The following PCCB variants were observed in gnomAD, a reference collection of about 807,000 sequenced individuals.
PCCB encodes the protein propionyl-CoA carboxylase subunit beta.
PCCB carries 43 observed loss-of-function variants against 60.7 expected under a neutral mutation model. That is an observed-to-expected ratio of 0.71 (90% confidence interval 0.55 to 0.91). PCCB has a LOEUF of 0.91. Among genes scored for constraint, PCCB ranks in the 40% least tolerant of loss-of-function variants. The pLI, the probability that PCCB is intolerant of heterozygous loss-of-function variation, is 0.00. For missense variants in PCCB, 766 were observed against 702.8 expected, an observed-to-expected ratio of 1.09 and a Z score of -1.02; for synonymous variants, 276 against 255.9, an observed-to-expected ratio of 1.08 and a Z score of -0.75.
At chr3:136,309,879 C>A (rs535181113) in intron 9 of PCCB, among the ~76,000 whole-genome samples, 1 of 152,072 alleles carries the variant, frequency 6.6e-6, no homozygotes, top group South Asian at 2.1e-4. Context: ...AAATTGATCC[C>A]ATCAGAGATA....
intron 6 of PCCB, among the ~76,000 whole-genome samples, chr3:136,291,321 A>C (rs1046067692): frequency 6.6e-6 from 1 of 152,100 alleles, no homozygotes; most frequent in African/African-American, 2.4e-5. Flanking sequence ...TAATTCCAAC[A>C]TTTCTGCTAC....
At chr3:136,303,531 G>A (rs1934359968) in intron 9 of PCCB, among the ~76,000 whole-genome samples, 1 of 122,182 alleles carries the variant, frequency 8.2e-6, no homozygotes, top group Admixed American at 9.8e-5. Flanking sequence ...TGATACTAGT[G>A]CGTATATTTT....
At chr3:136,295,890 T>A (rs1933911267) in intron 7 of PCCB, among the ~76,000 whole-genome samples, 1 of 152,042 alleles carries the variant, frequency 6.6e-6, no homozygotes, top group Non-Finnish European at 1.5e-5. Context: ...CCCATGACAT[T>A]AAAGTTTCTT....
Position 136,328,790 on chromosome 3 carries a change from G to A in PCCB, c.1431G>A (p.Glu477=), listed in dbSNP as rs989893902. 1 of 1,614,060 alleles carries A rather than the reference G, an allele frequency of 6.2e-7. No homozygotes were observed. The highest frequency in any genetic ancestry group is 1.3e-5 in the African/African-American group (1 of 74,940). The change falls in exon 14 of 15, where the codon GAG becomes GAA. Residue 477 remains glutamate (E), a synonymous_variant. Transcript: ENST00000251654. ...TGGAGATCATCTTCAAAGGGCATGA[G>A]AATGTGGAAGCTGCTCAGGCAGAGT... ...GAVEIIFKGH[E]NVEAAQAEYI... is the part of the protein sequence containing the mutation.
rs548523249 is a variant in PCCB at position 136,283,550 on chromosome 3, A to G, written c.544-287A>G. Among the ~76,000 whole-genome samples the G allele has an allele frequency of 5.9e-5, 9 of 152,082 alleles. No homozygotes were observed. The East Asian group carries it at 1.5e-3, about 26-fold the overall frequency. ...AGCTGTGGTGAGGATGGTGGGATAC[A>G]CTCTGTACCTCATGCCCTTAGTGAA... On this transcript the variant is annotated intron_variant, in intron 5 of 14. Coordinates refer to ENST00000251654, the MANE Select transcript of PCCB (RefSeq NM_000532.5).
intron 1 of PCCB, 92 bp downstream of exon 1, chr3:136,250,650 A>T: frequency 7.6e-7 from 1 of 1,307,786 alleles, no homozygotes. Flanking sequence ...CCTCCCTGCC[A>T]ATCCGCACGG....
chr3:136,299,865 TA>T (rs1934167472), intron 8 of PCCB, among the ~76,000 whole-genome samples: 1 of 151,462 alleles, frequency 6.6e-6, no homozygotes, highest in African/African-American at 2.4e-5. Context: ...CATATGTATG[TA>T]TATGCATGCA....
chr3:136,327,155 G>A lies in PCCB; in HGVS notation c.1199G>A (p.Gly400Asp), dbSNP rs1437741292. ...TCTAGTAACTCTTCCTCATGTCTAG[G>A]CACAGCACAGGAATACGGGGGCATC... ...TFVDVPGFLP[G>D]TAQEYGGIIR... The change falls in exon 12 of 15, where the codon GGC (glycine) becomes GAC (aspartate). Residue 400 changes from glycine (G) to aspartate (D), a missense_variant and splice_region_variant. Transcript: ENST00000251654. The A allele has an allele frequency of 6.2e-7, 1 of 1,613,750 alleles. No individual in the cohort carries two copies. Among genetic ancestry groups the A allele is most frequent in the African/African-American group, 1.3e-5 (1 of 74,894 alleles).
intron 14 of PCCB, among the ~76,000 whole-genome samples, chr3:136,329,383 A>G (rs1053269142): frequency 6.6e-6 from 1 of 152,148 alleles, no homozygotes; most frequent in Admixed American, 6.5e-5. Context: ...GCTTCCTTAC[A>G]TGGTGTCCCG....
intron 5 of PCCB, among the ~76,000 whole-genome samples, chr3:136,281,681 T>C (rs1942478617): frequency 6.6e-6 from 1 of 152,184 alleles, no homozygotes; most frequent in Non-Finnish European, 1.5e-5. Context: ...CTTATTTCTT[T>C]GTATGATTTG....
intron 9 of PCCB, among the ~76,000 whole-genome samples, chr3:136,308,828 G>A (rs1291801450): frequency 6.6e-6 from 1 of 151,980 alleles, no homozygotes; most frequent in Non-Finnish European, 1.5e-5. Context: ...AACAATTCTT[G>A]GATGAAAGGG....
intron 9 of PCCB, among the ~76,000 whole-genome samples, chr3:136,306,598 A>G (rs992490842): frequency 8.1e-6 from 1 of 123,028 alleles, no homozygotes; most frequent in Non-Finnish European, 1.8e-5. Flanking sequence ...CACTGTATAC[A>G]TATATGAAAA....
At chr3:136,250,665 T>G (rs1941489968) in intron 1 of PCCB, 107 bp downstream of exon 1, 13 of 1,168,166 alleles carry the variant, frequency 1.1e-5, no homozygotes, top group African/African-American at 1.5e-5. Context: ...GCACGGTGCC[T>G]GGAGGGGCCG....
chr3:136,314,032 T>A (rs1560026781), intron 9 of PCCB, among the ~76,000 whole-genome samples: 1 of 150,768 alleles, frequency 6.6e-6, no homozygotes, highest in Non-Finnish European at 1.5e-5. Context: ...TTAGAAGGAG[T>A]CACACACACA....
Position 136,327,715 on chromosome 3 carries a change from G to T in PCCB, c.1381G>T (p.Ala461Ser), listed in dbSNP as rs1935377301. The T allele has an allele frequency of 6.2e-7, 1 of 1,613,648 alleles. No individual in the cohort carries two copies. The highest frequency in any genetic ancestry group is 1.3e-5 in the African/African-American group (1 of 74,910). The part of the protein sequence containing the change: ...TNYAWPTAEI[A>S]VMGAKGAVEI... ...CTATGCCTGGCCCACCGCAGAGATTGCAGTCATGGGAGCAAAGGTGAGGGC... is the reference window on the plus strand; with the variant it reads ...CTATGCCTGGCCCACCGCAGAGATTTCAGTCATGGGAGCAAAGGTGAGGGC... Residue 461 changes from alanine to serine, a missense_variant, in exon 13 of 15, where the codon GCA (alanine) becomes TCA (serine). Physicochemically the swap from Ala to Ser is moderately conservative, Grantham distance 99. Coordinates refer to ENST00000251654, the MANE Select transcript of PCCB (RefSeq NM_000532.5).
intron 5 of PCCB, among the ~76,000 whole-genome samples, chr3:136,266,375 T>C (rs1026787119): frequency 1.3e-5 from 2 of 151,746 alleles, no homozygotes; most frequent in African/African-American, 4.8e-5. Context: ...ACGATCCATC[T>C]GCCTTGGCCT....
chr3:136,286,320 A>G (rs1289997993), intron 6 of PCCB, among the ~76,000 whole-genome samples: 1 of 152,230 alleles, frequency 6.6e-6, no homozygotes. Flanking sequence ...TGATCACTCC[A>G]GTCTCATGAC....
intron 6 of PCCB, among the ~76,000 whole-genome samples, chr3:136,284,933 C>T (rs913684592): frequency 6.6e-6 from 1 of 151,700 alleles, no homozygotes; most frequent in African/African-American, 2.4e-5. Context: ...CAAAAAAATA[C>T]AAAAATTAGC....
At chr3:136,287,038 A>G (rs564209359) in intron 6 of PCCB, among the ~76,000 whole-genome samples, 145 of 151,604 alleles carry the variant, frequency 9.6e-4, no homozygotes, top group African/African-American at 3.2e-3. Flanking sequence ...CTCGGAAAAA[A>G]AAAAAAAAAT....
Sources: allele counts gnomAD v4.1 joint callset (sites outside exome capture counted in the v4.1 genomes callset), GRCh38; gene constraint gnomAD v4.1.1; transcripts MANE v1.5; gene names NCBI Gene and HGNC (gene_info 2026-07-23, HGNC 2026-07-21).